Variants in MYO1H observed in about 807,000 individuals in gnomAD.
The protein encoded by MYO1H is myosin IH.
MYO1H carries 118 observed loss-of-function variants against 149.3 expected under a neutral mutation model. The ratio of observed to expected loss-of-function variants is 0.79; its 90% confidence interval spans 0.68 to 0.92. The LOEUF (loss-of-function observed/expected upper bound fraction) is 0.92, where lower values mean the gene tolerates loss of function less well. Ranked by LOEUF, MYO1H falls within the 40% of genes least tolerant of loss-of-function variation. MYO1H has a pLI of 0.00. For synonymous variants in MYO1H, 447 were observed against 465.2 expected (o/e 0.96, Z 0.50); for missense variants, 1,212 against 1,280.7 (o/e 0.95, Z 0.82).
At chr12:109,349,231 C>T (rs561169353) in intron 1 of MYO1H, among the ~76,000 whole-genome samples, 11 of 152,042 alleles carry the variant, frequency 7.2e-5, no homozygotes, top group East Asian at 1.9e-4. Context: ...ACAAAATGCA[C>T]GTAGAAGTAA....
chr12:109,405,869 G>T, intron 7 of MYO1H, 53 bp from the exon 8 acceptor site: 1 of 1,322,154 alleles, frequency 7.6e-7, no homozygotes, highest in Non-Finnish European at 1.1e-6. Context: ...GGCGGCCACC[G>T]TTCTCTTTCC....
intron 1 of MYO1H, among the ~76,000 whole-genome samples, chr12:109,386,476 C>T (rs529198217): frequency 2.8e-4 from 43 of 152,330 alleles, no homozygotes; most frequent in Admixed American, 7.8e-4. Flanking sequence ...ACCAGAAGTG[C>T]GAGAGAATTC....
chr12:109,432,499 G>C (rs534154330), intron 19 of MYO1H, among the ~76,000 whole-genome samples: 30 of 152,252 alleles, frequency 2.0e-4, no homozygotes, highest in Admixed American at 1.3e-3. Flanking sequence ...GGACATCTGG[G>C]TTGTTTCCAC....
intron 2 of MYO1H, among the ~76,000 whole-genome samples, chr12:109,390,881 T>A (rs1250599631): frequency 6.6e-6 from 1 of 152,140 alleles, no homozygotes; most frequent in Admixed American, 6.6e-5. Context: ...TTGGCCAGGC[T>A]GGTCTCAAAC....
intron 1 of MYO1H, among the ~76,000 whole-genome samples, chr12:109,355,001 A>G (rs1438329992): frequency 6.6e-6 from 1 of 152,184 alleles, no homozygotes; most frequent in Non-Finnish European, 1.5e-5. Context: ...TGCATTTGGT[A>G]TGGAGGAAAA....
the MYO1H span, among the ~76,000 whole-genome samples, chr12:109,319,596 A>C: frequency 6.6e-6 from 1 of 152,216 alleles, no homozygotes; most frequent in Admixed American, 6.5e-5. Flanking sequence ...TTTTTACCAC[A>C]GTTAAATCAA....
the MYO1H span, among the ~76,000 whole-genome samples, chr12:109,336,570 A>G: frequency 1.3e-5 from 2 of 152,324 alleles, no homozygotes; most frequent in African/African-American, 2.4e-5. Context: ...TCCACGTACT[A>G]TAGGCTAAGT....
intron 14 of MYO1H, among the ~76,000 whole-genome samples, chr12:109,413,966 A>G (rs1258261232): frequency 6.6e-6 from 1 of 152,086 alleles, no homozygotes; most frequent in East Asian, 1.9e-4. Context: ...AATGCATACA[A>G]CTGGGTAAAA....
At chr12:109,443,748 G>A in intron 28 of MYO1H, 99 bp downstream of exon 28, 1 of 1,397,924 alleles carries the variant, frequency 7.2e-7, no homozygotes, top group Non-Finnish European at 9.8e-7. Context: ...AGTGTAGGGT[G>A]CCCATAAACC....
intron 1 of MYO1H, among the ~76,000 whole-genome samples, chr12:109,350,282 G>T (rs1364948187): frequency 6.6e-6 from 1 of 151,988 alleles, no homozygotes; most frequent in Non-Finnish European, 1.5e-5. Flanking sequence ...ATATGGTTTG[G>T]CTGTGTCCCC....
chr12:109,355,385 C>T (rs1868566187), intron 1 of MYO1H, among the ~76,000 whole-genome samples: 1 of 152,170 alleles, frequency 6.6e-6, no homozygotes, highest in South Asian at 2.1e-4. Flanking sequence ...ACCTGAATCA[C>T]CTCAGGGAAC....
intron 22 of MYO1H, among the ~76,000 whole-genome samples, chr12:109,437,228 T>A (rs968894532): frequency 1.3e-4 from 20 of 152,210 alleles, no homozygotes; most frequent in African/African-American, 2.4e-5. Context: ...ACGCATACAT[T>A]TCTTGAGAGT....
At chr12:109,341,741 T>C in the MYO1H span, among the ~76,000 whole-genome samples, 1 of 152,206 alleles carries the variant, frequency 6.6e-6, no homozygotes, top group African/African-American at 2.4e-5. Context: ...TTAAGGAAGT[T>C]GTCAGTGATG....
intron 5 of MYO1H, among the ~76,000 whole-genome samples, chr12:109,398,728 C>T (rs527922329): frequency 1.8e-5 from 2 of 111,406 alleles, no homozygotes; most frequent in East Asian, 2.8e-4. Flanking sequence ...GCAACAAGAG[C>T]GAAACTTCCT....
intron 15 of MYO1H, among the ~76,000 whole-genome samples, chr12:109,416,515 A>G (rs567270430): frequency 6.6e-6 from 1 of 152,042 alleles, no homozygotes; most frequent in African/African-American, 2.4e-5. Flanking sequence ...ATAATATCCC[A>G]TGATGTGGAT....
chr12:109,349,612 GATC>G (rs1868411257), intron 1 of MYO1H, among the ~76,000 whole-genome samples: 1 of 145,452 alleles, frequency 6.9e-6, no homozygotes, highest in Non-Finnish European at 1.5e-5. Flanking sequence ...AGTGAACTGT[GATC>G]ATGCCATGCA....
chr12:109,427,381 G>T, intron 18 of MYO1H, 88 bp from the exon 19 acceptor site: 1 of 817,012 alleles, frequency 1.2e-6, no homozygotes, highest in East Asian at 2.6e-5. Flanking sequence ...CCAGCCCACT[G>T]AACTTCAGCT....
At chr12:109,406,162 A>ATT in intron 8 of MYO1H, 127 bp downstream of exon 8, 1 of 644,290 alleles carries the variant, frequency 1.6e-6, no homozygotes. Context: ...ATTGGTTAGG[A>ATT]GGTTTAAAGA....
At chr12:109,355,783 G>A (rs1247643426) in intron 1 of MYO1H, among the ~76,000 whole-genome samples, 2 of 151,258 alleles carry the variant, frequency 1.3e-5, no homozygotes, top group East Asian at 3.9e-4. Flanking sequence ...CTGGAGTGCA[G>A]TGGCCTGATC....
Sources: gnomAD v4.1 joint callset for allele counts (sites outside exome capture counted in the v4.1 genomes callset) on GRCh38, gnomAD v4.1.1 for gene constraint, MANE v1.5 for transcripts, NCBI Gene and HGNC (gene_info 2026-07-23, HGNC 2026-07-21) for gene names.